The following ADGRG7 variants were observed in gnomAD, a reference collection of about 807,000 sequenced individuals.
ADGRG7 encodes the protein G-protein coupled receptor 128.
ADGRG7 carries 82 observed loss-of-function variants against 88.6 expected under a neutral mutation model. That is an observed-to-expected ratio of 0.93 (90% CI 0.77 to 1.11). The LOEUF (loss-of-function observed/expected upper bound fraction) is 1.11, where lower values mean the gene tolerates loss of function less well. Ranked by LOEUF, ADGRG7 falls within the 50% of genes most tolerant of loss-of-function variation. ADGRG7 has a pLI of 0.00. For missense variants in ADGRG7, 945 were observed against 953.4 expected (o/e 0.99, Z 0.12); for synonymous variants, 381 against 345.2 (o/e 1.10, Z -1.15).
chr3:100,626,502 C>T (rs1017989052), intron 1 of ADGRG7, among the ~76,000 whole-genome samples: 4 of 152,078 alleles, frequency 2.6e-5, no homozygotes, highest in Admixed American at 6.6e-5. Flanking sequence ...TTTATTTGAA[C>T]GGGGTCAGGC....
At chr3:100,648,711 G>A (rs998474972) in intron 10 of ADGRG7, among the ~76,000 whole-genome samples, 3 of 152,002 alleles carry the variant, frequency 2.0e-5, no homozygotes, top group Non-Finnish European at 4.4e-5. Context: ...GCAGTATAAA[G>A]GAACATATGC....
chr3:100,685,290 T>C (rs2094980174), intron 15 of ADGRG7, among the ~76,000 whole-genome samples: 1 of 152,242 alleles, frequency 6.6e-6, no homozygotes, highest in African/African-American at 2.4e-5. Context: ...ATTGACATTC[T>C]ATAGACGAAC....
chr3:100,621,434 A>G (rs1215679976), intron 1 of ADGRG7, among the ~76,000 whole-genome samples: 1 of 152,206 alleles, frequency 6.6e-6, no homozygotes, highest in East Asian at 1.9e-4. Context: ...GTAAGAAAAT[A>G]AAAGAGTCTT....
rs145878988 is a variant in ADGRG7 at position 100,651,310 on chromosome 3, T to G, written c.1379+1503T>G. On this transcript the variant is annotated intron_variant, in intron 11 of 15. Transcript: ENST00000273352. Reference sequence around the variant, plus strand: ...AGTGCCTTGAAGGAAAATTACATGTTTGTCATGTAAAATTAAATGCCTCTT... The same window carrying G: ...AGTGCCTTGAAGGAAAATTACATGTGTGTCATGTAAAATTAAATGCCTCTT... 3.3e-5 allele frequency among the ~76,000 whole-genome samples: 5 copies of G among 152,340 alleles called. No individual in the cohort carries two copies. The East Asian group carries it at 9.6e-4, about 29-fold the overall frequency.
At chr3:100,651,198 C>T (rs1278604039) in intron 11 of ADGRG7, among the ~76,000 whole-genome samples, 1 of 152,130 alleles carries the variant, frequency 6.6e-6, no homozygotes, top group Non-Finnish European at 1.5e-5. Context: ...CAGATAATCT[C>T]CCATCTCTCA....
chr3:100,618,556 T>G (rs1381073967), intron 1 of ADGRG7, among the ~76,000 whole-genome samples: 15 of 152,150 alleles, frequency 9.9e-5, no homozygotes, highest in Admixed American at 6.6e-4. Context: ...TGAGGGCTCT[T>G]TTCTGTTCCA....
chr3:100,615,656 A>G (rs1222116451), intron 1 of ADGRG7, among the ~76,000 whole-genome samples: 3 of 152,252 alleles, frequency 2.0e-5, no homozygotes, highest in Admixed American at 1.3e-4. Flanking sequence ...GAAGGAGTAG[A>G]CATGGATGGA....
At chr3:100,650,809 G>C (rs528125092) in intron 11 of ADGRG7, among the ~76,000 whole-genome samples, 1 of 152,152 alleles carries the variant, frequency 6.6e-6, no homozygotes, top group Non-Finnish European at 1.5e-5. Context: ...TAATGATCTT[G>C]TTACTCATCC....
chr3:100,693,480 A>G (rs1258493248), intron 15 of ADGRG7, among the ~76,000 whole-genome samples: 1 of 152,186 alleles, frequency 6.6e-6, no homozygotes, highest in East Asian at 1.9e-4. Context: ...TTTTGGCCAG[A>G]GAACAAGTCT....
chr3:100,617,271 C>A (rs1707239112), intron 1 of ADGRG7, among the ~76,000 whole-genome samples: 1 of 151,866 alleles, frequency 6.6e-6, no homozygotes, highest in African/African-American at 2.4e-5. Context: ...GCACAACATG[C>A]AGATTAGTTA....
At chr3:100,616,783 T>C (rs571057421) in intron 1 of ADGRG7, among the ~76,000 whole-genome samples, 1 of 152,300 alleles carries the variant, frequency 6.6e-6, no homozygotes, top group African/African-American at 2.4e-5. Flanking sequence ...ATTACACCTC[T>C]GCACTCCAAC....
intron 1 of ADGRG7, among the ~76,000 whole-genome samples, chr3:100,618,180 G>T (rs563388084): frequency 2.0e-5 from 3 of 152,270 alleles, no homozygotes; most frequent in Middle Eastern, 3.4e-3. Flanking sequence ...TGTTCACTCT[G>T]ATGGTAGTTT....
chr3:100,682,289 G>A (rs1188406191), intron 15 of ADGRG7, among the ~76,000 whole-genome samples: 2 of 152,186 alleles, frequency 1.3e-5, no homozygotes, highest in African/African-American at 2.4e-5. Context: ...GAGGAACTGG[G>A]TCTGGGGCGG....
At chr3:100,640,449 C>G (rs1001641670) in intron 6 of ADGRG7, among the ~76,000 whole-genome samples, 1 of 152,128 alleles carries the variant, frequency 6.6e-6, no homozygotes, top group African/African-American at 2.4e-5. Flanking sequence ...GTGGGCAGAG[C>G]TCTGGAGGTG....
intron 2 of ADGRG7, among the ~76,000 whole-genome samples, 195 bp downstream of exon 2, chr3:100,629,906 A>C (rs1707436554): frequency 6.6e-6 from 1 of 152,140 alleles, no homozygotes; most frequent in African/African-American, 2.4e-5. Context: ...CAGTATATTC[A>C]ATGCACCTTA....
At chr3:100,615,338 G>T (rs995410440) in intron 1 of ADGRG7, among the ~76,000 whole-genome samples, 2 of 152,186 alleles carry the variant, frequency 1.3e-5, no homozygotes, top group Admixed American at 6.5e-5. Flanking sequence ...CAGTCTTAAA[G>T]ATACCAGTAC....
At chr3:100,635,900 T>A in intron 5 of ADGRG7, 74 bp downstream of exon 5, 1 of 1,089,006 alleles carries the variant, frequency 9.2e-7, no homozygotes, top group Non-Finnish European at 1.3e-6. Context: ...AAGAGAGATG[T>A]CCTGAATACC....
At chr3:100,664,812 G>A (rs1559684890) in intron 14 of ADGRG7, among the ~76,000 whole-genome samples, 1 of 152,156 alleles carries the variant, frequency 6.6e-6, no homozygotes. Context: ...AGTGCAAAAA[G>A]TCCATGGAGA....
intron 15 of ADGRG7, among the ~76,000 whole-genome samples, chr3:100,685,719 G>T (rs1304311899): frequency 1.3e-5 from 2 of 152,022 alleles, no homozygotes; most frequent in Non-Finnish European, 2.9e-5. Flanking sequence ...ATTTTTTACG[G>T]CTGCATAGTA....
Sources: allele counts gnomAD v4.1 joint callset (sites outside exome capture counted in the v4.1 genomes callset), GRCh38; gene constraint gnomAD v4.1.1; transcripts MANE v1.5; gene names NCBI Gene and HGNC (gene_info 2026-07-23, HGNC 2026-07-21).